Variants in TRIM13 observed in about 807,000 individuals in gnomAD.
TRIM13 encodes E3 ubiquitin-protein ligase TRIM13.
TRIM13 carries 15 observed loss-of-function variants against 27.1 expected under a neutral mutation model. That is an observed-to-expected ratio of 0.55 (90% CI 0.37 to 0.85). The LOEUF (loss-of-function observed/expected upper bound fraction) is 0.85. Among genes scored for constraint, TRIM13 ranks in the 40% least tolerant of loss-of-function variants. TRIM13 has a pLI of 0.00. For synonymous variants in TRIM13, 193 were observed against 171.5 expected (o/e 1.13, Z -0.98); for missense variants, 402 against 472.2 (o/e 0.85, Z 1.38).
In TRIM13 at chr13:50,003,886, T is replaced by C. The variant is rs12100053; in HGVS notation, c.-7+6123T>C. ...ACATCAATATGGCAGGAGAACAAGT[T>C]TGACTTTTTTCCGCAACTAGTGTCT... is the stretch of plus-strand genomic sequence containing the variant. On this transcript the variant is annotated intron_variant, in intron 1 of 1. Transcript: ENST00000378182. 6.3e-3 allele frequency among the ~76,000 whole-genome samples: 959 copies of C among 152,340 alleles called. 6 individuals carry two copies. The highest frequency in any genetic ancestry group is 0.021 in the African/African-American group (882 of 41,580).
rs1876518041 is a variant in TRIM13, at chr13:50,016,073, T to A, written c.*2909T>A. ...TACTGATAACCAAACTGGAGTCAGG[T>A]ATTTTGTACTTTGCAGTATTTCTCT... is the stretch of plus-strand genomic sequence containing the variant. On this transcript the variant is annotated 3_prime_UTR_variant, in exon 2 of 2. Transcript: ENST00000378182. 1 of 1,608,462 alleles carries A rather than the reference T, an allele frequency of 6.2e-7. No homozygotes were observed. Among genetic ancestry groups the A allele is most frequent in the African/African-American group, 1.3e-5 (1 of 74,782 alleles).
chr13:49,998,470 T>C (rs1448163287), intron 1 of TRIM13, among the ~76,000 whole-genome samples: 3 of 152,254 alleles, frequency 2.0e-5, no homozygotes, highest in African/African-American at 7.2e-5. Context: ...TAGAACCTTT[T>C]CTTGCTTGAT....
rs1876765099 is a variant in TRIM13 at position 50,017,594 on chromosome 13, ATTC to A, written c.*4431_*4433del. The A allele has an allele frequency of 6.0e-6, 1 of 166,966 alleles. No individual in the cohort carries two copies. Among genetic ancestry groups the A allele is most frequent in the African/African-American group, 2.4e-5 (1 of 41,474 alleles). 10.3% of individuals were successfully genotyped at this position (166,966 alleles called of 1,614,324 possible). ...GCATTTTCTTGCATCACCAAATGGT[ATTC>A]AATTGTTTGAAGCTCAAAATTTTTA... is the stretch of plus-strand genomic sequence containing the variant. On this transcript the variant is annotated 3_prime_UTR_variant, in exon 2 of 2. Transcript: ENST00000378182.
At chr13:50,003,247 G>A (rs966077183) in intron 1 of TRIM13, among the ~76,000 whole-genome samples, 3 of 152,068 alleles carry the variant, frequency 2.0e-5, no homozygotes, top group Admixed American at 2.0e-4. Context: ...GTACTGTTTT[G>A]AAATTCTTGC....
At chr13:50,007,673 T>C (rs1307617447) in intron 1 of TRIM13, among the ~76,000 whole-genome samples, 2 of 149,684 alleles carry the variant, frequency 1.3e-5, no homozygotes, top group East Asian at 2.0e-4. Context: ...TCCCAGCTAC[T>C]CTGGAGGCTG....
At position 50,012,126 on chromosome 13, in the gene TRIM13, A is replaced by G; in HGVS notation, c.186A>G (p.Ser62=). ...GTCCTACATGCCGTAAGGAAACTTC[A>G]GCTACTGGAATTAATAGCCTGCAGG... ...FKCPTCRKET[S]ATGINSLQVN... The change falls in exon 2 of 2, where the codon TCA becomes TCG. Residue 62 remains serine, a synonymous_variant. Transcript: ENST00000378182. 6.2e-7 allele frequency: 1 copy of G among 1,614,186 alleles called. No individual in the cohort carries two copies. Among genetic ancestry groups the G allele is most frequent in the Non-Finnish European group, 8.5e-7 (1 of 1,180,016 alleles).
chr13:50,007,521 T>G (rs1400277224), intron 1 of TRIM13, among the ~76,000 whole-genome samples: 2 of 146,970 alleles, frequency 1.4e-5, no homozygotes, highest in African/African-American at 5.1e-5. Flanking sequence ...GCACGGTGGC[T>G]CACCCCTGTA....
chr13:50,012,051 C>A lies in TRIM13; in HGVS notation c.111C>A (p.Ile37=), dbSNP rs764217278. The change falls in exon 2 of 2, where the codon ATC becomes ATA. Residue 37 remains isoleucine, a synonymous_variant. Transcript: ENST00000378182. Reference sequence around the variant, plus strand: ...TCTGCAAAAAATGCTTAGAAGGTATCTTAGAAGGGAGTGTGCGGAATTCCT... The same window carrying A: ...TCTGCAAAAAATGCTTAGAAGGTATATTAGAAGGGAGTGTGCGGAATTCCT... ...HNFCKKCLEG[I]LEGSVRNSLW... is the part of the protein sequence containing the mutation. 65 of 1,613,874 alleles carry A rather than the reference C, an allele frequency of 4.0e-5. No homozygotes were observed. The highest frequency in any genetic ancestry group is 5.9e-6 in the Non-Finnish European group (7 of 1,180,008).
Position 49,997,597 on chromosome 13 carries a change from T to C in TRIM13, c.-173T>C, listed in dbSNP as rs1407668901. The C allele has an allele frequency of 6.6e-6, 1 of 152,142 alleles. No homozygotes were observed. Among genetic ancestry groups the C allele is most frequent in the Non-Finnish European group, 1.5e-5 (1 of 68,090 alleles). 9.4% of individuals were successfully genotyped at this position (152,142 alleles called of 1,614,324 possible). On this transcript the variant is annotated 5_prime_UTR_variant, in exon 1 of 2. Coordinates refer to ENST00000378182, the MANE Select transcript of TRIM13 (RefSeq NM_213590.3). Reference sequence around the variant, plus strand: ...TTATTTGTGGGGGCGATTGAAAAAATTGAGGGTCAAGATTGGGGTGCTGTG... The same window carrying C: ...TTATTTGTGGGGGCGATTGAAAAAACTGAGGGTCAAGATTGGGGTGCTGTG...
intron 1 of TRIM13, among the ~76,000 whole-genome samples, chr13:50,003,228 G>C (rs1252983690): frequency 6.6e-6 from 1 of 152,134 alleles, no homozygotes; most frequent in African/African-American, 2.4e-5. Flanking sequence ...CCACCTGATA[G>C]ATACTTAGGT....
At chr13:50,011,045 G>A (rs1034265528) in intron 1 of TRIM13, among the ~76,000 whole-genome samples, 5 of 152,078 alleles carry the variant, frequency 3.3e-5, no homozygotes, top group African/African-American at 9.7e-5. Flanking sequence ...AAGTGAAACC[G>A]GTACTCCAAC....
rs1163275933 is a variant in TRIM13 at position 50,017,518 on chromosome 13, ATTATAT to A, written c.*4358_*4363del. On this transcript the variant is annotated 3_prime_UTR_variant, in exon 2 of 2. Coordinates refer to ENST00000378182, the MANE Select transcript of TRIM13 (RefSeq NM_213590.3). ...TTTTTCCATTTTAAAGTGAGAAAAC[ATTATAT>A]TTAGACTTCCATAATTCCAAAATCA... 6.0e-6 allele frequency: 1 copy of A among 167,092 alleles called. No individual in the cohort carries two copies. The highest frequency in any genetic ancestry group is 1.5e-5 in the Non-Finnish European group (1 of 68,116). 10.4% of individuals were successfully genotyped at this position (167,092 alleles called of 1,614,324 possible). A position where few individuals can be genotyped will look rare whatever the true frequency, so the allele number is the denominator to read the frequency against.
intron 1 of TRIM13, among the ~76,000 whole-genome samples, chr13:50,005,390 T>C (rs1220933039): frequency 6.6e-6 from 1 of 151,902 alleles, no homozygotes; most frequent in Non-Finnish European, 1.5e-5. Context: ...AGAGAAGGCA[T>C]AGGCAGGGCA....
intron 1 of TRIM13, among the ~76,000 whole-genome samples, chr13:50,007,100 T>C (rs949122256): frequency 1.3e-5 from 2 of 151,806 alleles, no homozygotes; most frequent in African/African-American, 4.8e-5. Context: ...GAGGAACCGC[T>C]TGAACCCGGG....
chr13:50,012,327 T>C lies in TRIM13; in HGVS notation c.387T>C (p.Cys129=). 1.2e-6 allele frequency: 2 copies of C among 1,614,128 alleles called. No individual in the cohort carries two copies. Among genetic ancestry groups the C allele is most frequent in the Non-Finnish European group, 1.7e-6 (2 of 1,180,012 alleles). ...GGGAGCACACCAAACATGTCTTCTG[T>C]TCTATTGAAGATGCCTATGCTCAGG... ...TRGEHTKHVF[C]SIEDAYAQER... The change falls in exon 2 of 2, where the codon TGT becomes TGC. Residue 129 remains cysteine (C), a synonymous_variant. Coordinates refer to ENST00000378182, the MANE Select transcript of TRIM13 (RefSeq NM_213590.3).
chr13:50,011,855 A>G, intron 1 of TRIM13, 80 bp from the exon 2 acceptor site: 1 of 1,446,876 alleles, frequency 6.9e-7, no homozygotes. Flanking sequence ...TTTTAACGTG[A>G]AGGCAGATTT....
At chr13:49,999,744 G>A (rs1173754124) in intron 1 of TRIM13, among the ~76,000 whole-genome samples, 1 of 152,082 alleles carries the variant, frequency 6.6e-6, no homozygotes, top group African/African-American at 2.4e-5. Context: ...AGCAGGTTCT[G>A]TGCTTTCCCC....
Position 50,014,746 on chromosome 13 carries a change from A to G in TRIM13, c.*1582A>G, listed in dbSNP as rs1317857355. On this transcript the variant is annotated 3_prime_UTR_variant, in exon 2 of 2. Transcript: ENST00000378182. ...CCTTATTTGTGTCATAGAGTAAGAT[A>G]TTCCTTGAAAGCCCATTAAGTGGAA... is the stretch of plus-strand genomic sequence containing the variant. 4 of 166,838 alleles carry G rather than the reference A, an allele frequency of 2.4e-5. No homozygotes were observed. In the South Asian group the frequency reaches 6.2e-4, roughly 26 times the overall value. The allele number at this position is 166,838 out of a possible 1,614,324, so 10.3% of individuals were successfully genotyped here.
At position 50,015,437 on chromosome 13, in the gene TRIM13, A is replaced by G. The variant is rs994788385; in HGVS notation, c.*2273A>G. On this transcript the variant is annotated 3_prime_UTR_variant, in exon 2 of 2. Coordinates refer to ENST00000378182, the MANE Select transcript of TRIM13 (RefSeq NM_213590.3). ...TGTATAACTAGCAACATTTATGGTTATAGGTTGATTTCCTAAGTGTGGCTG... is the reference window on the plus strand; with the variant it reads ...TGTATAACTAGCAACATTTATGGTTGTAGGTTGATTTCCTAAGTGTGGCTG... 4.0e-6 allele frequency: 5 copies of G among 1,253,392 alleles called. No homozygotes were observed. The African/African-American group carries it at 7.5e-5, about 19-fold the overall frequency. 77.6% of individuals were successfully genotyped at this position (1,253,392 alleles called of 1,614,324 possible).
Sources: allele counts gnomAD v4.1 joint callset (sites outside exome capture counted in the v4.1 genomes callset), GRCh38; gene constraint gnomAD v4.1.1; transcripts MANE v1.5; gene names NCBI Gene and HGNC (gene_info 2026-07-23, HGNC 2026-07-21).